PNLIPRP3: variants seen among roughly 807,000 people sequenced by gnomAD.
The protein encoded by PNLIPRP3 is pancreatic lipase-related protein 3.
A neutral mutation model predicts 52.8 loss-of-function variants in PNLIPRP3; 58 were observed. The ratio of observed to expected loss-of-function variants is 1.10; its 90% CI spans 0.89 to 1.37. The LOEUF (loss-of-function observed/expected upper bound fraction) is 1.37. Ranked by LOEUF, PNLIPRP3 falls within the 40% of genes most tolerant of loss-of-function variation. The pLI, the probability that PNLIPRP3 is intolerant of heterozygous loss-of-function variation, is 0.00. For missense variants in PNLIPRP3, 593 were observed against 561.6 expected, an observed-to-expected ratio of 1.06 and a Z score of -0.57; for synonymous variants, 192 against 185.0, an observed-to-expected ratio of 1.04 and a Z score of -0.31.
At chr10:116,428,570 G>C (rs1845668523) in intron 1 of PNLIPRP3, among the ~76,000 whole-genome samples, 1 of 151,964 alleles carries the variant, frequency 6.6e-6, no homozygotes, top group African/African-American at 2.4e-5. Flanking sequence ...TTCCACTTCA[G>C]TCACAGTTTT....
chr10:116,466,315 T>A lies in PNLIPRP3; in HGVS notation c.927+147T>A, dbSNP rs1846282243. 5 of 587,654 alleles carry A rather than the reference T, an allele frequency of 8.5e-6. 1 individual carries two copies. The South Asian group carries it at 1.1e-4, about 13-fold the overall frequency. The allele number at this position is 587,654 out of a possible 1,614,324, so 36.4% of individuals were successfully genotyped here. A position where few individuals can be genotyped will look rare whatever the true frequency, so the allele number is the denominator to read the frequency against. ...AATGGATTGTTTCTGTGCTGAGTAC[T>A]GAACAGTAGCTGGGATTGCTGGAGG... On this transcript the variant is annotated intron_variant, in intron 8 of 11. Transcript: ENST00000369230.
chr10:116,428,186 GT>G lies in PNLIPRP3; in HGVS notation c.49+130del, dbSNP rs1164221587. The G allele has an allele frequency of 1.7e-5, 11 of 666,578 alleles. No individual in the cohort carries two copies. The East Asian group carries it at 3.1e-4, about 19-fold the overall frequency. The allele number at this position is 666,578 out of a possible 1,614,324, so 41.3% of individuals were successfully genotyped here. The stretch of plus-strand genomic sequence containing the variant: ...TAATTTCATTCTTAAGTAGTTTATT[GT>G]TTTTATGAATATGTTTAAAATATTG... On this transcript the variant is annotated intron_variant, in intron 1 of 11. Transcript: ENST00000369230.
At chr10:116,445,768 G>GT (rs1393788457) in intron 4 of PNLIPRP3, among the ~76,000 whole-genome samples, 4 of 152,184 alleles carry the variant, frequency 2.6e-5, no homozygotes, top group Non-Finnish European at 5.9e-5. Context: ...AGGGTTTAGG[G>GT]TGAGTGGGCT....
chr10:116,459,120 C>CT lies in PNLIPRP3; in HGVS notation c.566-1843dup, dbSNP rs1452079352. Among the ~76,000 whole-genome samples, 3 of 152,024 alleles carry CT rather than the reference C, an allele frequency of 2.0e-5. No homozygotes were observed. The East Asian group carries it at 5.8e-4, about 29-fold the overall frequency. On this transcript the variant is annotated intron_variant, in intron 5 of 11. Transcript: ENST00000369230. Reference sequence around the variant, plus strand: ...TATGATTCCGCATCTTCTTGGTTGTCTTTGTTTTTTTGACTCCCTCTCTCC... The same window carrying CT: ...TATGATTCCGCATCTTCTTGGTTGTCTTTTGTTTTTTTGACTCCCTCTCTCC...
At position 116,469,359 on chromosome 10, in the gene PNLIPRP3, C is replaced by T. The variant is rs146661860; in HGVS notation, c.1060+42C>T. 66 of 1,526,290 alleles carry T rather than the reference C, an allele frequency of 4.3e-5. No homozygotes were observed. In the African/African-American group the frequency reaches 8.9e-4, roughly 21 times the overall value. The allele number at this position is 1,526,290 out of a possible 1,614,324, so 94.5% of individuals were successfully genotyped here. On this transcript the variant is annotated intron_variant, in intron 9 of 11. Coordinates refer to ENST00000369230, the MANE Select transcript of PNLIPRP3 (RefSeq NM_001011709.3). ...AGTTTAATTGTAATGCTTTAAGGTA[C>T]TTATCTTTAAAAATTCAACAGTTTT...
In PNLIPRP3 at chr10:116,462,533, T is replaced by C. The variant is rs1446399329; in HGVS notation, c.808+1243T>C. On this transcript the variant is annotated intron_variant, in intron 7 of 11. Coordinates refer to ENST00000369230, the MANE Select transcript of PNLIPRP3 (RefSeq NM_001011709.3). ...AATTACAAAGGTTTAATATTTGCTC[T>C]GAAAGAGAAAATGTGATCAGAAGTA... Among the ~76,000 whole-genome samples, 5 of 152,098 alleles carry C rather than the reference T, an allele frequency of 3.3e-5. No individual in the cohort carries two copies. The East Asian group carries it at 9.6e-4, about 29-fold the overall frequency.
chr10:116,471,219 A>G (rs991656505), intron 9 of PNLIPRP3, among the ~76,000 whole-genome samples: 5 of 152,214 alleles, frequency 3.3e-5, no homozygotes, highest in African/African-American at 1.2e-4. Flanking sequence ...TTGCAAGGGA[A>G]TGATCTACTG....
At chr10:116,461,634 A>T (rs955498014) in intron 7 of PNLIPRP3, among the ~76,000 whole-genome samples, 6 of 152,238 alleles carry the variant, frequency 3.9e-5, no homozygotes, top group Admixed American at 2.0e-4. Flanking sequence ...TACAAAAGAC[A>T]AAGGTGCCTC....
chr10:116,459,275 G>GAA (rs1279382688), intron 5 of PNLIPRP3, among the ~76,000 whole-genome samples: 9 of 129,664 alleles, frequency 6.9e-5, no homozygotes, highest in Non-Finnish European at 1.2e-4. Flanking sequence ...ATATTAGTCA[G>GAA]AAAAATAAAA....
In PNLIPRP3 at chr10:116,469,292, C is replaced by T. The variant is rs772157432; in HGVS notation, c.1035C>T (p.Asn345=). 15 of 1,607,610 alleles carry T rather than the reference C, an allele frequency of 9.3e-6. No homozygotes were observed. Among genetic ancestry groups the T allele is most frequent in the Non-Finnish European group, 1.3e-5 (15 of 1,177,506 alleles). The change falls in exon 9 of 12, where the codon AAC becomes AAT. Residue 345 remains asparagine, a synonymous_variant. Coordinates refer to ENST00000369230, the MANE Select transcript of PNLIPRP3 (RefSeq NM_001011709.3). The part of the protein sequence containing the change: ...MKTNGSHYFL[N]TGSLSPFARW... ...CTAATGGATCACATTATTTTTTAAA[C>T]ACAGGGTCCCTTTCCCCATTTGCCC...
chr10:116,474,300 A>G (rs560886159), intron 10 of PNLIPRP3, among the ~76,000 whole-genome samples: 1 of 152,330 alleles, frequency 6.6e-6, no homozygotes, highest in Admixed American at 6.5e-5. Context: ...GAATTAACTC[A>G]AGATAGATTA....
In PNLIPRP3 at chr10:116,455,597, C is replaced by G. The variant is rs905415056; in HGVS notation, c.457-125C>G. 6 of 671,190 alleles carry G rather than the reference C, an allele frequency of 8.9e-6. No individual in the cohort carries two copies. The Admixed American group carries it at 1.7e-4, about 19-fold the overall frequency. 41.6% of individuals were successfully genotyped at this position (671,190 alleles called of 1,614,324 possible). A position where few individuals can be genotyped will look rare whatever the true frequency, so the allele number is the denominator to read the frequency against. On this transcript the variant is annotated intron_variant, in intron 4 of 11. Coordinates refer to ENST00000369230, the MANE Select transcript of PNLIPRP3 (RefSeq NM_001011709.3). ...CAGAGGTGTCACTTTGTGACTTTAC[C>G]AGTCCCTGTCTTATGTGCAAAAGGG...
Position 116,436,764 on chromosome 10 carries a change from A to G in PNLIPRP3, c.103A>G (p.Thr35Ala), listed in dbSNP as rs752406171. ...LGCFKDGLPW[T>A]RTFSTELVGL... is the part of the protein sequence containing the mutation. ...GTGTTTCAAAGATGGTTTACCATGG[A>G]CCAGGACTTTCTCAACAGAGTTGGT... is the stretch of plus-strand genomic sequence containing the variant. Residue 35 changes from threonine to alanine, a missense_variant, in exon 2 of 12, where the codon ACC becomes GCC. By Grantham distance (58) the Thr-to-Ala change is moderately conservative (BLOSUM62 0). Transcript: ENST00000369230. 16 of 1,613,762 alleles carry G rather than the reference A, an allele frequency of 9.9e-6. No homozygotes were observed. Among genetic ancestry groups the G allele is most frequent in the Admixed American group, 3.3e-5 (2 of 59,986 alleles).
chr10:116,446,636 T>C (rs995827905), intron 4 of PNLIPRP3, among the ~76,000 whole-genome samples: 3 of 152,108 alleles, frequency 2.0e-5, no homozygotes, highest in African/African-American at 7.2e-5. Flanking sequence ...ATTAAGATAA[T>C]AGGAATAGGG....
At chr10:116,454,356 G>T (rs1390788423) in intron 4 of PNLIPRP3, among the ~76,000 whole-genome samples, 2 of 152,152 alleles carry the variant, frequency 1.3e-5, no homozygotes, top group African/African-American at 4.8e-5. Flanking sequence ...CTGACCTCGT[G>T]ATCTGCCCGC....
At chr10:116,460,822 T>C in intron 5 of PNLIPRP3, 144 bp from the exon 6 acceptor site, 1 of 1,122,718 alleles carries the variant, frequency 8.9e-7, no homozygotes, top group Non-Finnish European at 1.2e-6. Context: ...ACCCTACATT[T>C]ATAGATTTAG....
chr10:116,438,528 G>T (rs1180147480), intron 2 of PNLIPRP3, among the ~76,000 whole-genome samples: 1 of 152,136 alleles, frequency 6.6e-6, no homozygotes, highest in African/African-American at 2.4e-5. Flanking sequence ...ACTGAAATCT[G>T]CCAGCTATCT....
At chr10:116,446,216 G>A (rs1445262285) in intron 4 of PNLIPRP3, among the ~76,000 whole-genome samples, 1 of 151,664 alleles carries the variant, frequency 6.6e-6, no homozygotes, top group African/African-American at 2.4e-5. Flanking sequence ...TGTGTTGGCG[G>A]GCACCTGTAG....
chr10:116,464,431 C>T (rs1846245983), intron 7 of PNLIPRP3, among the ~76,000 whole-genome samples: 1 of 152,190 alleles, frequency 6.6e-6, no homozygotes, highest in Admixed American at 6.5e-5. Flanking sequence ...CTGGGCTCAC[C>T]ACTGGACTTA....
Sources: allele counts gnomAD v4.1 joint callset (sites outside exome capture counted in the v4.1 genomes callset), GRCh38; gene constraint gnomAD v4.1.1; transcripts MANE v1.5; gene names NCBI Gene and HGNC (gene_info 2026-07-23, HGNC 2026-07-21).